ZNF407: variants seen among roughly 807,000 people sequenced by gnomAD.
ZNF407 encodes the protein zinc finger protein 407.
Under a neutral mutation model 131.2 loss-of-function variants are expected in ZNF407, and 17 were observed. The observed-to-expected ratio is 0.13, with a 90% confidence interval of 0.09 to 0.19. ZNF407 has a LOEUF of 0.19. Ranked by LOEUF, ZNF407 falls within the 10% of genes least tolerant of loss-of-function variation. The pLI is 1.00. For synonymous variants in ZNF407, 1,156 were observed against 1,062.0 expected, an observed-to-expected ratio of 1.09 and a Z score of -1.72; for missense variants, 2,681 against 2,830.6, an observed-to-expected ratio of 0.95 and a Z score of 1.20.
In ZNF407 at chr18:74,635,471, C is replaced by A; in HGVS notation, c.4452C>A (p.Ala1484=). The change falls in exon 2 of 9, where the codon GCC becomes GCA. Residue 1484 remains alanine (A), a synonymous_variant. Coordinates refer to ENST00000299687, the MANE Select transcript of ZNF407 (RefSeq NM_017757.3). The surrounding 1 kb of genome is among the most constrained non-coding windows in gnomAD (Gnocchi z 4.7). ...ASVEELPEGG[A]TFKCVKCTEP... ...TGGAGGAGCTTCCGGAGGGAGGGGC[C>A]ACCTTTAAATGTGTCAAGTGCACAG... 1 of 1,612,854 alleles carries A rather than the reference C, an allele frequency of 6.2e-7. No homozygotes were observed. Among genetic ancestry groups the A allele is most frequent in the South Asian group, 1.1e-5 (1 of 90,908 alleles).
intron 8 of ZNF407, among the ~76,000 whole-genome samples, chr18:74,929,431 C>T (rs557839679): frequency 6.6e-6 from 1 of 152,012 alleles, no homozygotes; most frequent in African/African-American, 2.4e-5. Context: ...TGATCTTATC[C>T]CCTCTGACAG....
At chr18:75,033,270 G>A (rs1168848384) in intron 8 of ZNF407, among the ~76,000 whole-genome samples, 97 of 81,886 alleles carry the variant, frequency 1.2e-3, no homozygotes, top group South Asian at 2.4e-3. Context: ...ATAGTATTAG[G>A]TAACTAAGCG....
intron 3 of ZNF407, among the ~76,000 whole-genome samples, chr18:74,752,807 G>C (rs542476522): frequency 5.9e-5 from 9 of 152,138 alleles, no homozygotes; most frequent in African/African-American, 2.2e-4. Context: ...GCTAGGTAGC[G>C]TGATGCCTCC....
chr18:75,006,081 G>T (rs148165817), intron 8 of ZNF407, among the ~76,000 whole-genome samples: 3 of 152,142 alleles, frequency 2.0e-5, no homozygotes, highest in Non-Finnish European at 4.4e-5. Context: ...CGGACCCTCC[G>T]TGCTGTCTTG....
chr18:74,984,423 G>A (rs4891042), intron 8 of ZNF407, among the ~76,000 whole-genome samples: 25,524 of 152,100 alleles, frequency 0.17, 2,329 homozygotes, highest in Admixed American at 0.28. Flanking sequence ...TTTTTATTAT[G>A]TTTACAATAT....
intron 7 of ZNF407, among the ~76,000 whole-genome samples, chr18:74,897,079 A>G (rs951354254): frequency 1.3e-5 from 2 of 152,202 alleles, no homozygotes; most frequent in African/African-American, 4.8e-5. Context: ...ACACAAGTAC[A>G]TAGGCTTTTT....
chr18:74,623,489 C>T (rs1205310407), intron 1 of ZNF407, among the ~76,000 whole-genome samples: 3 of 152,138 alleles, frequency 2.0e-5, no homozygotes, highest in Non-Finnish European at 2.9e-5. Context: ...AAAAGTGGAA[C>T]AAAAGGATGA....
At position 74,881,096 on chromosome 18, in the gene ZNF407, C is replaced by A; in HGVS notation, c.5105C>A (p.Thr1702Asn). Residue 1702 changes from threonine to asparagine, a missense_variant, in exon 6 of 9, where the codon ACC becomes AAC. Physicochemically the swap from Thr to Asn is moderately conservative, Grantham distance 65. Around this residue, in one of 6 missense-constraint regions of ZNF407, gnomAD observed 213 missense variants for 332.2 expected, o/e 0.64. Coordinates refer to ENST00000299687, the MANE Select transcript of ZNF407 (RefSeq NM_017757.3). The stretch of plus-strand genomic sequence containing the variant: ...GCCGGCGGGACCCGCCACGCCCTCA[C>A]CAAGCATCGCAGACAGCACACAGGT... ...GFAGGTRHAL[T>N]KHRRQHTGEK... 1 of 1,579,388 alleles carries A rather than the reference C, an allele frequency of 6.3e-7. No homozygotes were observed.
chr18:74,631,486 A>C lies in ZNF407; in HGVS notation c.467A>C (p.Glu156Ala). Reference protein sequence around the residue: ...KTDTEKTSAQEMVSLDLERES... With the variant: ...KTDTEKTSAQAMVSLDLERES... ...GACACTGAAAAAACATCTGCTCAGG[A>C]AATGGTTTCCCTTGATCTGGAAAGA... is the stretch of plus-strand genomic sequence containing the variant. The change falls in exon 2 of 9, where the codon GAA (glutamate) becomes GCA (alanine). Residue 156 changes from glutamate to alanine, a missense_variant. By Grantham distance (107) the Glu-to-Ala change is moderately radical. Coordinates refer to ENST00000299687, the MANE Select transcript of ZNF407 (RefSeq NM_017757.3). 1 of 1,613,994 alleles carries C rather than the reference A, an allele frequency of 6.2e-7. No individual in the cohort carries two copies. The highest frequency in any genetic ancestry group is 1.1e-5 in the South Asian group (1 of 91,082).
At position 74,635,581 on chromosome 18, in the gene ZNF407, T is replaced by C; in HGVS notation, c.4562T>C (p.Val1521Ala). The change falls in exon 2 of 9, where the codon GTG becomes GCG. Residue 1521 changes from valine to alanine, a missense_variant. Physicochemically the swap from Val to Ala is moderately conservative, Grantham distance 64. This residue lies in a region of ZNF407 where 213 missense variants were observed against 332.2 expected (regional missense o/e 0.64). Transcript: ENST00000299687. This position sits in a 1 kb window ranked among gnomAD's most constrained non-coding sequence, Gnocchi z 4.7. ...CTGCGGGAGGTGAATAAGTATATAG[T>C]GGAAGACACTGAGCAAATCAACCGC... is the stretch of plus-strand genomic sequence containing the variant. ...ELLREVNKYIVEDTEQINRER... is the reference protein window; with the variant it reads ...ELLREVNKYIAEDTEQINRER... 1 of 1,613,956 alleles carries C rather than the reference T, an allele frequency of 6.2e-7. No individual in the cohort carries two copies.
chr18:74,641,207 A>G lies in ZNF407; in HGVS notation c.4802+85A>G. ...TGTTTCGGAATTCAAAACCGATAGG[A>G]GTAAGAGTGGCTAAAATTATGCATG... On this transcript the variant is annotated intron_variant, in intron 3 of 8. Transcript: ENST00000299687. 2 of 1,053,712 alleles carry G rather than the reference A, an allele frequency of 1.9e-6. 1 individual carries two copies. The highest frequency in any genetic ancestry group is 2.9e-6 in the Non-Finnish European group (2 of 683,338). 65.3% of individuals were successfully genotyped at this position (1,053,712 alleles called of 1,614,324 possible).
At chr18:74,855,511 A>C (rs991839014) in intron 4 of ZNF407, among the ~76,000 whole-genome samples, 1 of 152,236 alleles carries the variant, frequency 6.6e-6, no homozygotes, top group African/African-American at 2.4e-5. Context: ...TATTCCCAAA[A>C]GCCATAATGT....
At position 74,633,075 on chromosome 18, in the gene ZNF407, C is replaced by T; in HGVS notation, c.2056C>T (p.Pro686Ser). The T allele has an allele frequency of 6.2e-7, 1 of 1,613,896 alleles. No homozygotes were observed. Among genetic ancestry groups the T allele is most frequent in the Non-Finnish European group, 8.5e-7 (1 of 1,179,888 alleles). ...CTCAGGAAAAGCATCTCAGGAAGAACCTCTGAAGTCCAGGGTAAGCCATGG... is the reference window on the plus strand; with the variant it reads ...CTCAGGAAAAGCATCTCAGGAAGAATCTCTGAAGTCCAGGGTAAGCCATGG... ...DDSGKASQEEPLKSRVSHGNE... is the reference protein window; with the variant it reads ...DDSGKASQEESLKSRVSHGNE... Residue 686 changes from proline to serine, a missense_variant, in exon 2 of 9, where the codon CCT becomes TCT. Physicochemically the swap from Pro to Ser is moderately conservative, Grantham distance 74. Coordinates refer to ENST00000299687, the MANE Select transcript of ZNF407 (RefSeq NM_017757.3).
chr18:75,057,478 G>GT (rs998679951), intron 8 of ZNF407, among the ~76,000 whole-genome samples: 3 of 151,720 alleles, frequency 2.0e-5, no homozygotes, highest in East Asian at 1.9e-4. Context: ...TTTATTACAA[G>GT]TTTTTTTTTA....
At chr18:74,676,442 T>C (rs1394612725) in intron 3 of ZNF407, among the ~76,000 whole-genome samples, 1 of 150,178 alleles carries the variant, frequency 6.7e-6, no homozygotes, top group Non-Finnish European at 1.5e-5. Context: ...ATAGCATTTT[T>C]TTTTTTTTTT....
At chr18:75,028,724 A>G (rs562126695) in intron 8 of ZNF407, among the ~76,000 whole-genome samples, 47 of 152,274 alleles carry the variant, frequency 3.1e-4, no homozygotes, top group Non-Finnish European at 4.1e-4. Flanking sequence ...TACAGGAACA[A>G]TGCGAGAACC....
At chr18:74,797,771 C>T (rs1969947530) in intron 4 of ZNF407, among the ~76,000 whole-genome samples, 1 of 151,026 alleles carries the variant, frequency 6.6e-6, no homozygotes, top group Non-Finnish European at 1.5e-5. Context: ...CTATTGGTGC[C>T]TTTAGTGTGT....
chr18:74,602,285 C>T (rs1226746988), intron 1 of ZNF407, among the ~76,000 whole-genome samples: 1 of 152,140 alleles, frequency 6.6e-6, no homozygotes. Context: ...AAGGGAGAAC[C>T]TTTTGCGGGA....
At chr18:74,805,269 C>A (rs1181848201) in intron 4 of ZNF407, among the ~76,000 whole-genome samples, 1 of 152,108 alleles carries the variant, frequency 6.6e-6, no homozygotes, top group Non-Finnish European at 1.5e-5. Flanking sequence ...ATTTAAAAAT[C>A]TTTGATTGCA....
Sources: allele counts gnomAD v4.1 joint callset (sites outside exome capture counted in the v4.1 genomes callset), GRCh38; gene constraint gnomAD v4.1.1; regional missense constraint gnomAD v4.1.1; non-coding constraint Gnocchi (gnomAD v3.1); transcripts MANE v1.5; gene names NCBI Gene and HGNC (gene_info 2026-07-23, HGNC 2026-07-21).